Variants in FOXO4 observed in about 807,000 individuals in gnomAD.
The protein encoded by FOXO4 is forkhead box O4.
A neutral mutation model predicts 20.8 loss-of-function variants in FOXO4; 3 were observed. The observed-to-expected ratio is 0.14, with a 90% CI of 0.07 to 0.37. FOXO4 has a LOEUF of 0.37. Ranked by LOEUF, FOXO4 falls within the 10% of genes least tolerant of loss-of-function variation. FOXO4 has a pLI of 1.00. For synonymous variants in FOXO4, 158 were observed against 180.0 expected, an observed-to-expected ratio of 0.88 and a Z score of 0.98; for missense variants, 309 against 431.9, an observed-to-expected ratio of 0.72 and a Z score of 2.52.
chrX:71,097,227 G>T (rs1387175131), intron 1 of FOXO4, among the ~76,000 whole-genome samples: 1 of 111,579 alleles, frequency 9.0e-6, no homozygotes, highest in Non-Finnish European at 1.9e-5. Context: ...GGAGAAAATT[G>T]AATTCTCTGC....
rs761170509 is a variant in FOXO4 at position 71,102,036 on chromosome X, G to C, written c.1511-41G>C. 9.2e-6 allele frequency: 11 copies of C among 1,201,929 alleles called. No individual in the cohort carries two copies. The African/African-American group carries it at 1.4e-4, about 15-fold the overall frequency. On this transcript the variant is annotated intron_variant, in intron 2 of 2. Transcript: ENST00000374259. ...GATGATAGAATGTTGGCAAGCCCCA[G>C]GTAAGCCTCTTACCTTGTTCTCTGT...
intron 1 of FOXO4, among the ~76,000 whole-genome samples, chrX:71,098,294 GA>G (rs755468776): frequency 1.2e-4 from 14 of 112,013 alleles, no homozygotes; most frequent in Non-Finnish European, 2.4e-4. Context: ...AAAAGGTTAG[GA>G]AATTCACCTA....
At chrX:71,098,708 T>C (rs2147732545) in intron 1 of FOXO4, among the ~76,000 whole-genome samples, 1 of 111,478 alleles carries the variant, frequency 9.0e-6, no homozygotes, top group African/African-American at 3.3e-5. Context: ...CTTGTGGCTA[T>C]TAAGTAGTAG....
intron 1 of FOXO4, among the ~76,000 whole-genome samples, chrX:71,099,057 C>T (rs1337617400): frequency 9.0e-6 from 1 of 111,387 alleles, no homozygotes; most frequent in Non-Finnish European, 1.9e-5. Context: ...CTGGGCTCCT[C>T]CTGAATTTCT....
chrX:71,101,772 A>C, intron 2 of FOXO4, 32 bp downstream of exon 2: 230 of 1,091,018 alleles, frequency 2.1e-4, no homozygotes, highest in Non-Finnish European at 2.7e-4. Flanking sequence ...ACAGCACCTC[A>C]TAGCCTATTA....
rs1168855911 is a variant in FOXO4, at chrX:71,102,321, G to A, written c.*237G>A. 2.3e-6 allele frequency: 1 copy of A among 428,745 alleles called. No individual in the cohort carries two copies. The highest frequency in any genetic ancestry group is 3.7e-5 in the South Asian group (1 of 26,756). The allele number at this position is 428,745 out of a possible 1,213,427, so 35.3% of individuals were successfully genotyped here. ...GGGTTTTTCTCACTGTGCCAATTAG[G>A]GGGTAAGGCCCCCTCTCAGGAGCCA... is the stretch of plus-strand genomic sequence containing the variant. On this transcript the variant is annotated 3_prime_UTR_variant, in exon 3 of 3. Transcript: ENST00000374259.
rs2092219161 is a variant in FOXO4, at chrX:71,096,715, C to T, written c.187C>T (p.Arg63Cys). ...DLGEKVHTEG[R>C]SEPILLPSRL... ...GGGGGAAAAGGTACACACGGAGGGGCGCTCAGAGCCGATCCTGTTGCCCTC... is the reference window on the plus strand; with the variant it reads ...GGGGGAAAAGGTACACACGGAGGGGTGCTCAGAGCCGATCCTGTTGCCCTC... Residue 63 changes from arginine (R) to cysteine (C), a missense_variant, in exon 1 of 3, where the codon CGC becomes TGC. By Grantham distance (180) the Arg-to-Cys change is radical. Transcript: ENST00000374259. The T allele has an allele frequency of 8.3e-7, 1 of 1,206,376 alleles. No individual in the cohort carries two copies. The highest frequency in any genetic ancestry group is 1.7e-5 in the African/African-American group (1 of 57,691).
At position 71,102,996 on chromosome X, in the gene FOXO4, A is replaced by T. The variant is rs2092235799; in HGVS notation, c.*912A>T. 5.8e-6 allele frequency: 1 copy of T among 173,244 alleles called. No individual in the cohort carries two copies. Among genetic ancestry groups the T allele is most frequent in the African/African-American group, 3.0e-5 (1 of 33,501 alleles). The allele number at this position is 173,244 out of a possible 1,213,427, so 14.3% of individuals were successfully genotyped here. ...CAGCCACACTCTTCTATGACCCAGCATGGGTTAGTGCTATGGTGGGAGAGT... is the reference window on the plus strand; with the variant it reads ...CAGCCACACTCTTCTATGACCCAGCTTGGGTTAGTGCTATGGTGGGAGAGT... On this transcript the variant is annotated 3_prime_UTR_variant, in exon 3 of 3. Coordinates refer to ENST00000374259, the MANE Select transcript of FOXO4 (RefSeq NM_005938.4).
intron 1 of FOXO4, among the ~76,000 whole-genome samples, chrX:71,098,651 G>A (rs2092223612): frequency 8.9e-6 from 1 of 112,329 alleles, no homozygotes; most frequent in Non-Finnish European, 1.9e-5. Flanking sequence ...AAGAGTCTGT[G>A]TACCACTTGC....
rs775256209 is a variant in FOXO4 at position 71,101,342 on chromosome X, C to T, written c.1112C>T (p.Thr371Ile). 4.5e-5 allele frequency: 55 copies of T among 1,209,621 alleles called. 1 individual carries two copies. In the Middle Eastern group the frequency reaches 1.1e-3, roughly 25 times the overall value. ...TCCCAGGCTCTGGAGGCCCTGCTCACCTCTGATACGCCACCACCCCCTGCT... is the reference window on the plus strand; with the variant it reads ...TCCCAGGCTCTGGAGGCCCTGCTCATCTCTGATACGCCACCACCCCCTGCT... ...SSSQALEALL[T>I]SDTPPPPADV... Residue 371 changes from threonine to isoleucine, a missense_variant, in exon 2 of 3, where the codon ACC (threonine) becomes ATC (isoleucine). Thr to Ile is a moderately conservative substitution (Grantham distance 89). Around this residue, in one of 3 missense-constraint regions of FOXO4, gnomAD observed 223 missense variants for 302.7 expected, o/e 0.74. Coordinates refer to ENST00000374259, the MANE Select transcript of FOXO4 (RefSeq NM_005938.4).
At chrX:71,097,252 T>A (rs1330957537) in intron 1 of FOXO4, among the ~76,000 whole-genome samples, 1 of 111,853 alleles carries the variant, frequency 8.9e-6, no homozygotes, top group Non-Finnish European at 1.9e-5. Flanking sequence ...TGCTCAATAT[T>A]CGCAGCACTT....
Position 71,103,216 on chromosome X carries a change from G to C in FOXO4, c.*1132G>C. 5.7e-6 allele frequency: 1 copy of C among 174,779 alleles called. No homozygotes were observed. The allele number at this position is 174,779 out of a possible 1,213,427, so 14.4% of individuals were successfully genotyped here. On this transcript the variant is annotated 3_prime_UTR_variant, in exon 3 of 3. Coordinates refer to ENST00000374259, the MANE Select transcript of FOXO4 (RefSeq NM_005938.4). ...GGAAGTGTGTGTGGCAGCAGGCAGC[G>C]GGGAGGGGAGGAACAGGGAAGGGGG...
At position 71,101,043 on chromosome X, in the gene FOXO4, G is replaced by A. The variant is rs764117383; in HGVS notation, c.813G>A (p.Leu271=). ...SSNASSVSTR[L]SPLRPESEVL... ...ATGCCAGCAGTGTCAGCACCCGGCT[G>A]TCCCCCTTGAGGCCAGAGTCTGAGG... Residue 271 remains leucine (L), a synonymous_variant, in exon 2 of 3, where the codon CTG becomes CTA. Coordinates refer to ENST00000374259, the MANE Select transcript of FOXO4 (RefSeq NM_005938.4). 1 of 1,211,725 alleles carries A rather than the reference G, an allele frequency of 8.3e-7. No homozygotes were observed. The highest frequency in any genetic ancestry group is 1.8e-5 in the South Asian group (1 of 56,948).
In FOXO4 at chrX:71,100,793, G is replaced by T; in HGVS notation, c.563G>T (p.Gly188Val). The T allele has an allele frequency of 3.3e-6, 4 of 1,210,756 alleles. No individual in the cohort carries two copies. The highest frequency in any genetic ancestry group is 4.5e-6 in the Non-Finnish European group (4 of 894,937). The change falls in exon 2 of 3, where the codon GGC (glycine) becomes GTC (valine). Residue 188 changes from glycine to valine, a missense_variant. Physicochemically the swap from Gly to Val is moderately radical, Grantham distance 109 (BLOSUM62 -3). Around this residue, in one of 3 missense-constraint regions of FOXO4, gnomAD observed 223 missense variants for 302.7 expected, o/e 0.74. Transcript: ENST00000374259. ...WMLNPEGGKSGKAPRRRAASM... is the reference protein window; with the variant it reads ...WMLNPEGGKSVKAPRRRAASM... ...CTGAACCCTGAGGGAGGCAAGAGCG[G>T]CAAAGCCCCCCGCCGCCGGGCCGCC...
chrX:71,102,388 A>G lies in FOXO4; in HGVS notation c.*304A>G. ...TTCCTACCCACTTAGGCTTTGTAGC[A>G]AGATGAGCAATGCTGTTGGAAATGT... On this transcript the variant is annotated 3_prime_UTR_variant, in exon 3 of 3. Coordinates refer to ENST00000374259, the MANE Select transcript of FOXO4 (RefSeq NM_005938.4). The G allele has an allele frequency of 2.7e-6, 1 of 365,133 alleles. No homozygotes were observed. 30.1% of individuals were successfully genotyped at this position (365,133 alleles called of 1,213,427 possible). A position where few individuals can be genotyped will look rare whatever the true frequency, so the allele number is the denominator to read the frequency against.
chrX:71,099,899 A>G (rs1048047726), intron 1 of FOXO4, among the ~76,000 whole-genome samples: 3 of 111,341 alleles, frequency 2.7e-5, no homozygotes, highest in Non-Finnish European at 5.7e-5. Flanking sequence ...GGGAGGGGGG[A>G]AAAAGGAATC....
intron 1 of FOXO4, among the ~76,000 whole-genome samples, 196 bp from the exon 2 acceptor site, chrX:71,100,488 T>C (rs1428828230): frequency 9.1e-6 from 1 of 109,626 alleles, no homozygotes; most frequent in Non-Finnish European, 1.9e-5. Flanking sequence ...TTCTCTTTTT[T>C]TGTAAATTAT....
Sources: allele counts gnomAD v4.1 joint callset (sites outside exome capture counted in the v4.1 genomes callset), GRCh38; gene constraint gnomAD v4.1.1; regional missense constraint gnomAD v4.1.1; transcripts MANE v1.5; gene names NCBI Gene and HGNC (gene_info 2026-07-23, HGNC 2026-07-21).